Variants in JARID2 observed in about 807,000 individuals in gnomAD.
JARID2 encodes protein Jumonji.
A neutral mutation model predicts 125.6 loss-of-function variants in JARID2; 21 were observed. The ratio of observed to expected loss-of-function variants is 0.17; its 90% CI spans 0.12 to 0.24. The LOEUF (loss-of-function observed/expected upper bound fraction) is 0.24, where lower values mean the gene tolerates loss of function less well. Ranked by LOEUF, JARID2 falls within the 10% of genes least tolerant of loss-of-function variation. The probability of loss-of-function intolerance (pLI) is 1.00; values close to 1 mark genes in which losing one functional copy is unlikely to be tolerated. For synonymous variants in JARID2, 736 were observed against 661.6 expected (o/e 1.11, Z -1.73); for missense variants, 1,303 against 1,639.6 (o/e 0.79, Z 3.55).
intron 2 of JARID2, among the ~76,000 whole-genome samples, chr6:15,406,875 T>C (rs893821913): frequency 6.6e-6 from 1 of 152,154 alleles, no homozygotes; most frequent in Admixed American, 6.5e-5. Context: ...CCTGTTAACT[T>C]TTTTGTCTCT....
chr6:15,463,075 C>A (rs556790062), intron 4 of JARID2, among the ~76,000 whole-genome samples: 1 of 151,530 alleles, frequency 6.6e-6, no homozygotes, highest in East Asian at 1.9e-4. Context: ...GATCCAAGTT[C>A]AGATTTTTTT....
intron 1 of JARID2, among the ~76,000 whole-genome samples, chr6:15,327,034 T>C (rs1382420980): frequency 6.6e-6 from 1 of 152,194 alleles, no homozygotes; most frequent in Non-Finnish European, 1.5e-5. Flanking sequence ...GCCACAGCTT[T>C]TGAGAGTGAA....
chr6:15,427,079 TTGA>T (rs1766760485), intron 3 of JARID2, among the ~76,000 whole-genome samples: 1 of 152,188 alleles, frequency 6.6e-6, no homozygotes, highest in Admixed American at 6.5e-5. Context: ...TTTTATGAGT[TTGA>T]AACCTGGGTC....
intron 2 of JARID2, among the ~76,000 whole-genome samples, chr6:15,389,011 C>G (rs1234756930): frequency 6.6e-6 from 1 of 152,046 alleles, no homozygotes; most frequent in Non-Finnish European, 1.5e-5. Context: ...GGGAAGGCCA[C>G]GTGTGGAGGC....
intron 16 of JARID2, among the ~76,000 whole-genome samples, chr6:15,516,690 A>AG (rs1293672539): frequency 2.6e-5 from 4 of 152,210 alleles, no homozygotes; most frequent in African/African-American, 7.2e-5. Flanking sequence ...TGGAAAGTCA[A>AG]GGGTGCGTTC....
At chr6:15,290,664 G>C (rs1042423037) in intron 1 of JARID2, among the ~76,000 whole-genome samples, 2 of 152,056 alleles carry the variant, frequency 1.3e-5, no homozygotes, top group Non-Finnish European at 2.9e-5. Flanking sequence ...TGTCACCCAG[G>C]CTGGAGTGCA....
intron 1 of JARID2, chr6:15,248,422 GCGC>G (rs1233682648): frequency 7.9e-6 from 1 of 127,150 alleles, no homozygotes; most frequent in East Asian, 2.5e-4. Flanking sequence ...AGGGGAGAGC[GCGC>G]GGGGAGGGGG....
intron 3 of JARID2, among the ~76,000 whole-genome samples, chr6:15,428,940 CAAAA>C (rs56334116): frequency 3.3e-4 from 38 of 116,872 alleles, no homozygotes; most frequent in African/African-American, 1.1e-3. Context: ...ACCCCCCCCC[CAAAA>C]AAAAAAAAAA....
chr6:15,430,238 G>A lies in JARID2; in HGVS notation c.323+19873G>A, dbSNP rs368236736. On this transcript the variant is annotated intron_variant, in intron 3 of 17. Transcript: ENST00000341776. ...TTCCTTAGGTACAAGATGTACTTTT[G>A]CTTCTTTATCTTCCTGGAGTTTAGT... 6.6e-5 allele frequency among the ~76,000 whole-genome samples: 10 copies of A among 152,232 alleles called. No homozygotes were observed. The East Asian group carries it at 1.7e-3, about 26-fold the overall frequency.
chr6:15,455,359 A>G (rs1258158876), intron 4 of JARID2, among the ~76,000 whole-genome samples: 1 of 152,106 alleles, frequency 6.6e-6, no homozygotes, highest in East Asian at 1.9e-4. Context: ...TAATCAGCAT[A>G]TCTCATCTCA....
intron 4 of JARID2, among the ~76,000 whole-genome samples, chr6:15,460,401 T>C (rs1768386723): frequency 6.6e-6 from 1 of 152,172 alleles, no homozygotes; most frequent in Non-Finnish European, 1.5e-5. Flanking sequence ...CAGTAGTACT[T>C]CTCAGAGTCA....
chr6:15,425,113 C>T (rs1261472297), intron 3 of JARID2, among the ~76,000 whole-genome samples: 1 of 152,114 alleles, frequency 6.6e-6, no homozygotes, highest in Non-Finnish European at 1.5e-5. Context: ...ATGATGTCTG[C>T]TCACCTTAAA....
chr6:15,447,743 G>A (rs1197682209), intron 3 of JARID2, among the ~76,000 whole-genome samples: 4 of 152,166 alleles, frequency 2.6e-5, no homozygotes, highest in Non-Finnish European at 5.9e-5. Flanking sequence ...CGGGTATGCC[G>A]CCTCCCCTGG....
chr6:15,299,021 A>T (rs1219760213), intron 1 of JARID2, among the ~76,000 whole-genome samples: 1 of 149,954 alleles, frequency 6.7e-6, no homozygotes, highest in East Asian at 2.0e-4. Context: ...GGTGGAGCAG[A>T]GAGGATGCTT....
At chr6:15,382,935 G>A (rs1180873330) in intron 2 of JARID2, among the ~76,000 whole-genome samples, 1 of 152,124 alleles carries the variant, frequency 6.6e-6, no homozygotes, top group African/African-American at 2.4e-5. Context: ...AATCCTGGAC[G>A]ACTTTAGGAG....
intron 13 of JARID2, 101 bp downstream of exon 13, chr6:15,511,502 C>A: frequency 1.3e-6 from 1 of 781,090 alleles, no homozygotes; most frequent in Non-Finnish European, 2.2e-6. Flanking sequence ...AATGAGGACA[C>A]AGCAAAACAA....
chr6:15,487,246 G>GT, intron 5 of JARID2, 61 bp from the exon 6 acceptor site: 2 of 1,379,760 alleles, frequency 1.4e-6, no homozygotes, highest in Non-Finnish European at 2.0e-6. Flanking sequence ...AACCATATCA[G>GT]TAGTTTGCGT....
At chr6:15,518,171 C>T (rs545427068) in intron 17 of JARID2, among the ~76,000 whole-genome samples, 1 of 152,378 alleles carries the variant, frequency 6.6e-6, no homozygotes, top group Non-Finnish European at 1.5e-5. Context: ...TTGCAAATAA[C>T]GAAGCCTTTG....
intron 6 of JARID2, among the ~76,000 whole-genome samples, chr6:15,495,018 G>A (rs528614973): frequency 5.9e-5 from 9 of 152,276 alleles, no homozygotes; most frequent in African/African-American, 2.2e-4. Context: ...GGAGATGGTG[G>A]TGGTTATAAA....
Sources: allele counts gnomAD v4.1 joint callset (sites outside exome capture counted in the v4.1 genomes callset), GRCh38; gene constraint gnomAD v4.1.1; transcripts MANE v1.5; gene names NCBI Gene and HGNC (gene_info 2026-07-23, HGNC 2026-07-21).